CFAP100: variants seen among roughly 807,000 people sequenced by gnomAD.
CFAP100 encodes the protein cilia- and flagella-associated protein 100.
CFAP100 carries 70 observed loss-of-function variants against 81.5 expected under a neutral mutation model. That is an observed-to-expected ratio of 0.86 (90% CI 0.71 to 1.05). The LOEUF is 1.05. CFAP100 is among the 50% of genes least tolerant of loss of function. CFAP100 has a pLI of 0.00. For synonymous variants in CFAP100, 341 were observed against 314.8 expected, an observed-to-expected ratio of 1.08 and a Z score of -0.88; for missense variants, 811 against 776.5, an observed-to-expected ratio of 1.04 and a Z score of -0.53.
chr3:126,428,156 A>T (rs13082094), intron 13 of CFAP100, among the ~76,000 whole-genome samples: 34,660 of 152,136 alleles, frequency 0.23, 4,159 homozygotes, highest in East Asian at 0.36. Flanking sequence ...GTACCTCCAG[A>T]AAATGGAATA....
Position 126,433,100 on chromosome 3 carries a change from G to A in CFAP100, c.1318G>A (p.Val440Ile). 1 of 1,614,170 alleles carries A rather than the reference G, an allele frequency of 6.2e-7. No homozygotes were observed. The highest frequency in any genetic ancestry group is 8.5e-7 in the Non-Finnish European group (1 of 1,180,034). ...DREVNQLKQW[V>I]TTMMMSITKE... The stretch of plus-strand genomic sequence containing the variant: ...GGAGGTCAACCAGCTGAAGCAGTGG[G>A]TCACCACAATGATGATGTCCATCAC... The change falls in exon 14 of 17, where the codon GTC (valine) becomes ATC (isoleucine). Residue 440 changes from valine (V) to isoleucine (I), a missense_variant. By Grantham distance (29) the Val-to-Ile change is conservative. Transcript: ENST00000352312.
chr3:126,414,242 G>A (rs774660832), intron 4 of CFAP100, 63 bp downstream of exon 4: 16 of 1,189,704 alleles, frequency 1.3e-5, no homozygotes, highest in Admixed American at 1.2e-4. Flanking sequence ...GCTTCCTGGA[G>A]TGGCCACATT....
chr3:126,420,147 C>G lies in CFAP100; in HGVS notation c.1000C>G (p.Arg334Gly), dbSNP rs781053138. The G allele has an allele frequency of 6.2e-7, 1 of 1,612,764 alleles. No individual in the cohort carries two copies. Among genetic ancestry groups the G allele is most frequent in the Non-Finnish European group, 8.5e-7 (1 of 1,179,948 alleles). The change falls in exon 11 of 17, where the codon CGG becomes GGG. Residue 334 changes from arginine (R) to glycine (G), a missense_variant. Arg to Gly is a moderately radical substitution (Grantham distance 125). Transcript: ENST00000352312. Reference protein sequence around the residue: ...KKPWRFLQTMRLGRSPSYLSS... With the variant: ...KKPWRFLQTMGLGRSPSYLSS... ...GCCCTGGAGGTTTCTGCAGACGATG[C>G]GGCTGGGGCGGAGCCCGTCTTACCT...
At chr3:126,396,844 C>T (rs1263249984) in intron 2 of CFAP100, among the ~76,000 whole-genome samples, 1 of 152,216 alleles carries the variant, frequency 6.6e-6, no homozygotes, top group East Asian at 1.9e-4. Context: ...CCCAGGCCTA[C>T]CTGGGGCCCT....
chr3:126,413,455 T>G (rs74420044), intron 3 of CFAP100, among the ~76,000 whole-genome samples: 1,618 of 152,356 alleles, frequency 0.011, 27 homozygotes, highest in African/African-American at 0.036. Context: ...CCTCTCCACC[T>G]GACTTCTTGG....
intron 2 of CFAP100, among the ~76,000 whole-genome samples, chr3:126,403,583 A>G (rs11715637): frequency 0.012 from 1,794 of 152,148 alleles, 14 homozygotes; most frequent in Non-Finnish European, 0.017. Flanking sequence ...GGGTTTCACC[A>G]TATTGGCCAG....
Position 126,420,230 on chromosome 3 carries a change from G to A in CFAP100, c.1082+1G>A. 6.2e-7 allele frequency: 1 copy of A among 1,611,124 alleles called. No individual in the cohort carries two copies. Among genetic ancestry groups the A allele is most frequent in the Non-Finnish European group, 8.5e-7 (1 of 1,179,782 alleles). On this transcript the variant is annotated splice_donor_variant, in intron 11 of 16. Coordinates refer to ENST00000352312, the MANE Select transcript of CFAP100 (RefSeq NM_182628.3). LOFTEE classifies it high-confidence loss of function. ...AGTCCAGCGGTGGCGACTCCAGAGG[G>A]TGAGTGGGCTCGGGTGGTTGGGAGG... is the stretch of plus-strand genomic sequence containing the variant.
intron 2 of CFAP100, chr3:126,396,356 C>G (rs2082889263): frequency 3.1e-6 from 1 of 325,872 alleles, no homozygotes; most frequent in Non-Finnish European, 5.6e-6. Flanking sequence ...CCGGGCCTCT[C>G]TCCTGGTTTC....
At position 126,436,316 on chromosome 3, in the gene CFAP100, C is replaced by G; in HGVS notation, c.1748C>G (p.Ser583Ter). 1 of 1,614,008 alleles carries G rather than the reference C, an allele frequency of 6.2e-7. No homozygotes were observed. Among genetic ancestry groups the G allele is most frequent in the Non-Finnish European group, 8.5e-7 (1 of 1,179,912 alleles). The change falls in exon 17 of 17, where the codon TCA (serine) becomes TGA (stop). Residue 583 changes from serine (S) to a stop codon, truncating the protein, a stop_gained. Coordinates refer to ENST00000352312, the MANE Select transcript of CFAP100 (RefSeq NM_182628.3). LOFTEE classifies it low-confidence loss of function (END_TRUNC). ...AGAGGCAGGACACTGGTATGCCGCT[C>G]ACGACCCCCAGCCCACAGGATCAAA... The part of the protein sequence containing the change: ...KKRGRTLVCR[S>*]RPPAHRIKQQ...
chr3:126,404,837 G>A (rs1197491666), intron 2 of CFAP100, among the ~76,000 whole-genome samples: 3 of 152,074 alleles, frequency 2.0e-5, no homozygotes, highest in Non-Finnish European at 4.4e-5. Flanking sequence ...ACCACGCCTG[G>A]TTAATATTTG....
At chr3:126,402,285 G>A (rs2082997286) in intron 2 of CFAP100, among the ~76,000 whole-genome samples, 1 of 152,228 alleles carries the variant, frequency 6.6e-6, no homozygotes, top group Non-Finnish European at 1.5e-5. Flanking sequence ...GAGGCCAACA[G>A]AGCAGGAGAT....
chr3:126,419,181 A>G lies in CFAP100; in HGVS notation c.731+25A>G, dbSNP rs145485559. 53 of 1,475,494 alleles carry G rather than the reference A, an allele frequency of 3.6e-5. No homozygotes were observed. The African/African-American group carries it at 7.3e-4, about 20-fold the overall frequency. 91.4% of individuals were successfully genotyped at this position (1,475,494 alleles called of 1,614,324 possible). On this transcript the variant is annotated intron_variant, in intron 8 of 16. Transcript: ENST00000352312. ...GGTGAGGTCAGAGGGCATGCTGGCC[A>G]TTGGCTGGCCCACCTCCTGGTCCCT... is the stretch of plus-strand genomic sequence containing the variant.
chr3:126,416,810 A>AT, intron 5 of CFAP100: 1 of 285,364 alleles, frequency 3.5e-6, no homozygotes, highest in Non-Finnish European at 6.4e-6. Flanking sequence ...ATACAGCAAG[A>AT]TATTTTGAGA....
At chr3:126,435,472 A>G in intron 15 of CFAP100, 87 bp from the exon 16 acceptor site, 3 of 1,059,500 alleles carry the variant, frequency 2.8e-6, no homozygotes, top group Non-Finnish European at 4.1e-6. Context: ...TTGAGGGAGG[A>G]CACGGCCTGG....
Position 126,415,072 on chromosome 3 carries a change from C to T in CFAP100, c.225+893C>T, listed in dbSNP as rs544384263. On this transcript the variant is annotated intron_variant, in intron 4 of 16. Transcript: ENST00000352312. ...TGAGACCCAGAGACTCTCTGACCCA[C>T]GCCTTGGCCACCCTACTGTATCTTC... Among the ~76,000 whole-genome samples the T allele has an allele frequency of 9.8e-5, 15 of 152,294 alleles. No homozygotes were observed. In the East Asian group the frequency reaches 2.1e-3, roughly 22 times the overall value.
rs190029040 is a variant in CFAP100 at position 126,412,810 on chromosome 3, C to A, written c.131-1275C>A. Among the ~76,000 whole-genome samples, 7 of 152,288 alleles carry A rather than the reference C, an allele frequency of 4.6e-5. No homozygotes were observed. In the East Asian group the frequency reaches 1.4e-3, roughly 29 times the overall value. ...CCCATAGCTACTTACAGCTATGGGA[C>A]CTTGGCAGAGTATCTGACTGCTCTG... On this transcript the variant is annotated intron_variant, in intron 3 of 16. Transcript: ENST00000352312.
intron 4 of CFAP100, among the ~76,000 whole-genome samples, chr3:126,414,758 C>T (rs975626526): frequency 3.3e-5 from 5 of 152,228 alleles, no homozygotes; most frequent in Non-Finnish European, 7.3e-5. Context: ...AGCTGTGAGC[C>T]CTGAGTGGGG....
chr3:126,402,372 G>C (rs1386025446), intron 2 of CFAP100, among the ~76,000 whole-genome samples: 2 of 152,242 alleles, frequency 1.3e-5, no homozygotes, highest in South Asian at 2.1e-4. Flanking sequence ...GGCTGTGCGG[G>C]GGAAGCTGCA....
intron 2 of CFAP100, among the ~76,000 whole-genome samples, chr3:126,396,853 C>T (rs2082897508): frequency 6.6e-6 from 1 of 152,220 alleles, no homozygotes; most frequent in Non-Finnish European, 1.5e-5. Context: ...ACCTGGGGCC[C>T]TTCAGCTTTT....
Sources: allele counts gnomAD v4.1 joint callset (sites outside exome capture counted in the v4.1 genomes callset), GRCh38; gene constraint gnomAD v4.1.1; transcripts MANE v1.5; gene names NCBI Gene and HGNC (gene_info 2026-07-23, HGNC 2026-07-21).